The following GRM1 variants were observed in gnomAD, a reference collection of about 807,000 sequenced individuals.
GRM1 encodes the protein glutamate metabotropic receptor 1, also known as metabotropic glutamate receptor 1.
In GRM1, 33 loss-of-function variants were observed where a neutral mutation model predicts 90.9. That is an observed-to-expected ratio of 0.36 (90% CI 0.28 to 0.49). The LOEUF is 0.49. Among genes scored for constraint, GRM1 ranks in the 20% least tolerant of loss-of-function variants. The probability of loss-of-function intolerance (pLI) is 0.99; values close to 1 mark genes in which losing one functional copy is unlikely to be tolerated. For synonymous variants in GRM1, 700 were observed against 613.2 expected, an observed-to-expected ratio of 1.14 and a Z score of -2.09; for missense variants, 1,190 against 1,534.3, an observed-to-expected ratio of 0.78 and a Z score of 3.75.
At chr6:146,154,861 A>G (rs1355708956) in intron 1 of GRM1, among the ~76,000 whole-genome samples, 2 of 152,216 alleles carry the variant, frequency 1.3e-5, no homozygotes, top group African/African-American at 4.8e-5. Flanking sequence ...AACACTGAAT[A>G]TTATTAATCT....
At chr6:146,403,405 C>G (rs76098028) in intron 7 of GRM1, among the ~76,000 whole-genome samples, 2,025 of 152,176 alleles carry the variant, frequency 0.013, 46 homozygotes, top group African/African-American at 0.042. Context: ...AAACTAAAAA[C>G]AATTACAACC....
At chr6:146,339,099 T>C (rs574096931) in intron 3 of GRM1, among the ~76,000 whole-genome samples, 1 of 152,358 alleles carries the variant, frequency 6.6e-6, no homozygotes, top group Admixed American at 6.5e-5. Flanking sequence ...ATTTTCCAAA[T>C]GGAAATGCAA....
intron 7 of GRM1, among the ~76,000 whole-genome samples, chr6:146,405,644 G>A (rs982147354): frequency 2.0e-5 from 3 of 152,152 alleles, no homozygotes; most frequent in Non-Finnish European, 2.9e-5. Flanking sequence ...TTCTTTGGGA[G>A]ATAGAGGATA....
At chr6:146,029,044 T>C (rs1441454004), upstream of GRM1, among the ~76,000 whole-genome samples, 1 of 152,214 alleles carries the variant, frequency 6.6e-6, no homozygotes, top group Non-Finnish European at 1.5e-5. Flanking sequence ...CCTTCCTCAG[T>C]GACCACAGCT....
chr6:146,339,187 G>A (rs1784883807), intron 3 of GRM1, among the ~76,000 whole-genome samples: 1 of 152,070 alleles, frequency 6.6e-6, no homozygotes, highest in Non-Finnish European at 1.5e-5. Flanking sequence ...TTTTATTCTA[G>A]AAGCAAGTAA....
At chr6:146,109,807 C>T (rs73009043) in intron 1 of GRM1, among the ~76,000 whole-genome samples, 2,204 of 152,330 alleles carry the variant, frequency 0.014, 27 homozygotes, top group Non-Finnish European at 0.024. Context: ...GAACCCCTGT[C>T]ATGCATCAGC....
intron 2 of GRM1, among the ~76,000 whole-genome samples, chr6:146,277,548 A>C (rs1459276782): frequency 1.3e-5 from 2 of 152,206 alleles, no homozygotes; most frequent in African/African-American, 2.4e-5. Context: ...CCCCTGGCTT[A>C]CAGACTTTGG....
intron 2 of GRM1, among the ~76,000 whole-genome samples, chr6:146,193,701 A>T (rs977679731): frequency 6.6e-6 from 1 of 151,868 alleles, no homozygotes; most frequent in African/African-American, 2.4e-5. Context: ...CTTTTTTTTT[A>T]ACATCATGTT....
intron 1 of GRM1, among the ~76,000 whole-genome samples, chr6:146,100,275 A>G (rs1777006574): frequency 6.6e-6 from 1 of 152,214 alleles, no homozygotes; most frequent in Admixed American, 6.5e-5. Context: ...GAGTATTGTT[A>G]TAAAGCCATA....
At chr6:146,384,345 C>A (rs115257431) in intron 5 of GRM1, among the ~76,000 whole-genome samples, 1 of 152,118 alleles carries the variant, frequency 6.6e-6, no homozygotes, top group African/African-American at 2.4e-5. Flanking sequence ...CTTCCAGCAG[C>A]CAGAGTAGAG....
Position 146,318,317 on chromosome 6 carries a change from A to G in GRM1, c.1186+13471A>G, listed in dbSNP as rs375913062. Reference sequence around the variant, plus strand: ...TTTCCAGCTTCATCCATGTCCCTGCAAAGGACATGAACTCGTCATCCTTTT... The same window carrying G: ...TTTCCAGCTTCATCCATGTCCCTGCGAAGGACATGAACTCGTCATCCTTTT... On this transcript the variant is annotated intron_variant, in intron 3 of 7. Transcript: ENST00000282753. Among the ~76,000 whole-genome samples the G allele has an allele frequency of 1.2e-4, 19 of 152,318 alleles. No individual in the cohort carries two copies. In the East Asian group the frequency reaches 3.7e-3, roughly 29 times the overall value.
At chr6:146,297,880 C>T (rs1247723382) in intron 2 of GRM1, among the ~76,000 whole-genome samples, 1 of 152,052 alleles carries the variant, frequency 6.6e-6, no homozygotes, top group Non-Finnish European at 1.5e-5. Context: ...TTTAGATGCT[C>T]ATTTCTTAGT....
rs189450387 is a variant in GRM1, at chr6:146,397,453, A to G, written c.1730-1316A>G. Reference sequence around the variant, plus strand: ...TGCGCCACTGCACTCCAGCCTGGGCAACAGAGTGAGACCCCGTCTCAAAAA... The same window carrying G: ...TGCGCCACTGCACTCCAGCCTGGGCGACAGAGTGAGACCCCGTCTCAAAAA... On this transcript the variant is annotated intron_variant, in intron 6 of 7. Transcript: ENST00000282753. 4.8e-3 allele frequency among the ~76,000 whole-genome samples: 684 copies of G among 141,842 alleles called. 1 individual carries two copies. Among genetic ancestry groups the G allele is most frequent in the Non-Finnish European group, 7.6e-3 (510 of 66,828 alleles). 93.1% of individuals were successfully genotyped at this position (141,842 alleles called of 152,430 possible). A position where few individuals can be genotyped will look rare whatever the true frequency, so the allele number is the denominator to read the frequency against.
In GRM1 at chr6:146,436,409, A is replaced by T. The variant is rs531491688; in HGVS notation, c.*1613A>T. 3 of 152,372 alleles carry T rather than the reference A, an allele frequency of 2.0e-5. No individual in the cohort carries two copies. In the South Asian group the frequency reaches 6.2e-4, roughly 32 times the overall value. The allele number at this position is 152,372 out of a possible 1,614,324, so 9.4% of individuals were successfully genotyped here. A position where few individuals can be genotyped will look rare whatever the true frequency, so the allele number is the denominator to read the frequency against. ...ATAAGCTTGCACACATTATTAACAC[A>T]TAAGATTGAACAAAGCATTTAGATT... On this transcript the variant is annotated 3_prime_UTR_variant, in exon 8 of 8. Coordinates refer to ENST00000282753, the MANE Select transcript of GRM1 (RefSeq NM_001278064.2).
intron 2 of GRM1, among the ~76,000 whole-genome samples, chr6:146,276,851 A>G (rs1782387542): frequency 6.6e-6 from 1 of 152,186 alleles, no homozygotes; most frequent in African/African-American, 2.4e-5. Flanking sequence ...ATGTAATCCC[A>G]GCACTTTGGG....
chr6:146,312,513 G>C lies in GRM1; in HGVS notation c.1186+7667G>C, dbSNP rs1252113624. ...AAGATTTAACTCTTCATACAGATCT[G>C]GTTTTTGCAAATCTGAATTTGAGTG... On this transcript the variant is annotated intron_variant, in intron 3 of 7. Transcript: ENST00000282753. 2.6e-5 allele frequency among the ~76,000 whole-genome samples: 4 copies of C among 152,048 alleles called. No homozygotes were observed. The South Asian group carries it at 8.3e-4, about 32-fold the overall frequency.
intron 3 of GRM1, among the ~76,000 whole-genome samples, chr6:146,336,811 A>G (rs1188962799): frequency 6.6e-6 from 1 of 152,184 alleles, no homozygotes; most frequent in Non-Finnish European, 1.5e-5. Flanking sequence ...TTTGTGCCTG[A>G]GTCCCTGTCT....
chr6:146,087,254 C>A (rs1363283502), intron 1 of GRM1, among the ~76,000 whole-genome samples: 3 of 152,006 alleles, frequency 2.0e-5, no homozygotes, highest in Non-Finnish European at 4.4e-5. Context: ...TTTATTTTGA[C>A]CTAATTGTAG....
At chr6:146,353,487 G>T (rs1302769103) in intron 4 of GRM1, among the ~76,000 whole-genome samples, 1 of 152,136 alleles carries the variant, frequency 6.6e-6, no homozygotes, top group Non-Finnish European at 1.5e-5. Context: ...TAATAAAACT[G>T]GGTATCAGAG....
Sources: gnomAD v4.1 joint callset for allele counts (sites outside exome capture counted in the v4.1 genomes callset) on GRCh38, gnomAD v4.1.1 for gene constraint, MANE v1.5 for transcripts, NCBI Gene and HGNC (gene_info 2026-07-23, HGNC 2026-07-21) for gene names.